The following PXDC1 variants were observed in gnomAD, a reference collection of about 807,000 sequenced individuals.
The protein encoded by PXDC1 is PX domain-containing protein 1.
PXDC1 carries 13 observed loss-of-function variants against 24.4 expected under a neutral mutation model. That is an observed-to-expected ratio of 0.53 (90% CI 0.35 to 0.85). The LOEUF (loss-of-function observed/expected upper bound fraction) is 0.85, where lower values mean the gene tolerates loss of function less well. PXDC1 is among the 40% of genes least tolerant of loss of function. The pLI, the probability that PXDC1 is intolerant of heterozygous loss-of-function variation, is 0.01. For synonymous variants in PXDC1, 162 were observed against 124.9 expected, an observed-to-expected ratio of 1.30 and a Z score of -1.98; for missense variants, 344 against 309.3, an observed-to-expected ratio of 1.11 and a Z score of -0.84.
chr6:3,750,450 C>T lies in PXDC1; in HGVS notation c.256+826G>A, dbSNP rs545069160. Among the ~76,000 whole-genome samples the T allele has an allele frequency of 5.9e-5, 9 of 152,216 alleles. No homozygotes were observed. The South Asian group carries it at 1.9e-3, about 32-fold the overall frequency. Reference sequence around the variant, plus strand: ...GGCCCTCCCAGGCGGCCCCTCTCCTCGGCCTGCCCCCTCCACCCCGCAATT... The same window carrying T: ...GGCCCTCCCAGGCGGCCCCTCTCCTTGGCCTGCCCCCTCCACCCCGCAATT... On this transcript the variant is annotated intron_variant, in intron 1 of 4. Transcript: ENST00000380283.
rs1364076258 is a variant in PXDC1, at chr6:3,724,099, C to A, written c.579-363G>T. ...TCAGGGAAGAGGCGCCTGCCTCGTGCTGGGCCCTGGGGACAGCTGAGAGAG... is the reference window on the plus strand; with the variant it reads ...TCAGGGAAGAGGCGCCTGCCTCGTGATGGGCCCTGGGGACAGCTGAGAGAG... On this transcript the variant is annotated intron_variant, in intron 4 of 4. Transcript: ENST00000380283. The surrounding 1 kb of genome is among the most constrained non-coding windows in gnomAD (Gnocchi z 4.5). 6.6e-6 allele frequency among the ~76,000 whole-genome samples: 1 copy of A among 152,142 alleles called. No individual in the cohort carries two copies. The highest frequency in any genetic ancestry group is 1.5e-5 in the Non-Finnish European group (1 of 68,014).
intron 3 of PXDC1, among the ~76,000 whole-genome samples, chr6:3,732,390 G>A (rs988831584): frequency 5.3e-5 from 8 of 152,194 alleles, no homozygotes; most frequent in African/African-American, 1.9e-4. Context: ...TGAAACTAAG[G>A]TTGAGATTGG....
chr6:3,724,589 C>A lies in PXDC1; in HGVS notation c.579-853G>T, dbSNP rs1055420879. 2.0e-5 allele frequency among the ~76,000 whole-genome samples: 3 copies of A among 152,200 alleles called. No individual in the cohort carries two copies. Among genetic ancestry groups the A allele is most frequent in the African/African-American group, 7.2e-5 (3 of 41,446 alleles). Reference sequence around the variant, plus strand: ...CTCCACCTATGAATCAGCCCAAACCCAGCAGGCCGCGTGGGAGTGTGGACA... The same window carrying A: ...CTCCACCTATGAATCAGCCCAAACCAAGCAGGCCGCGTGGGAGTGTGGACA... On this transcript the variant is annotated intron_variant, in intron 4 of 4. Coordinates refer to ENST00000380283, the MANE Select transcript of PXDC1 (RefSeq NM_183373.4). This position sits in a 1 kb window ranked among gnomAD's most constrained non-coding sequence, Gnocchi z 4.5.
chr6:3,734,619 G>A (rs1324699188), intron 3 of PXDC1, among the ~76,000 whole-genome samples: 2 of 152,134 alleles, frequency 1.3e-5, no homozygotes, highest in Non-Finnish European at 2.9e-5. Flanking sequence ...AAAGGTTCTG[G>A]AGACCCAGTG....
In PXDC1 at chr6:3,737,023, G is replaced by T; in HGVS notation, c.466+56C>A. The T allele has an allele frequency of 9.7e-7, 1 of 1,033,446 alleles. No homozygotes were observed. The highest frequency in any genetic ancestry group is 1.5e-6 in the Non-Finnish European group (1 of 652,716). 64.0% of individuals were successfully genotyped at this position (1,033,446 alleles called of 1,614,324 possible). A position where few individuals can be genotyped will look rare whatever the true frequency, so the allele number is the denominator to read the frequency against. ...GACAGCCAACTGTGAGGGTTTCTGTGACATCTCAGCCTCAACAGCAGTCCC... is the reference window on the plus strand; with the variant it reads ...GACAGCCAACTGTGAGGGTTTCTGTTACATCTCAGCCTCAACAGCAGTCCC... On this transcript the variant is annotated intron_variant, in intron 3 of 4. Coordinates refer to ENST00000380283, the MANE Select transcript of PXDC1 (RefSeq NM_183373.4). This position sits in a 1 kb window ranked among gnomAD's most constrained non-coding sequence, Gnocchi z 5.5.
chr6:3,723,238 G>A lies in PXDC1; in HGVS notation c.*381C>T, dbSNP rs1759979380. On this transcript the variant is annotated 3_prime_UTR_variant, in exon 5 of 5. Transcript: ENST00000380283. The stretch of plus-strand genomic sequence containing the variant: ...GGAATGGTGGGGAGTCAGGGTGGCT[G>A]GGGGGCACTAGGCCACTTCACCAAG... 1 of 200,082 alleles carries A rather than the reference G, an allele frequency of 5.0e-6. No homozygotes were observed. The highest frequency in any genetic ancestry group is 2.3e-5 in the African/African-American group (1 of 43,502). The allele number at this position is 200,082 out of a possible 1,614,324, so 12.4% of individuals were successfully genotyped here. A position where few individuals can be genotyped will look rare whatever the true frequency, so the allele number is the denominator to read the frequency against.
chr6:3,746,134 G>A (rs930696613), intron 1 of PXDC1, among the ~76,000 whole-genome samples: 1 of 152,218 alleles, frequency 6.6e-6, no homozygotes, highest in Non-Finnish European at 1.5e-5. Context: ...CTGCCACCGT[G>A]AAAGGCAGTA....
Position 3,737,787 on chromosome 6 carries a change from C to A in PXDC1, c.348+270G>T. The A allele has an allele frequency of 1.7e-6, 1 of 578,690 alleles. No individual in the cohort carries two copies. Among genetic ancestry groups the A allele is most frequent in the Non-Finnish European group, 2.2e-6 (1 of 458,536 alleles). The allele number at this position is 578,690 out of a possible 1,614,324, so 35.8% of individuals were successfully genotyped here. On this transcript the variant is annotated intron_variant, in intron 2 of 4. Coordinates refer to ENST00000380283, the MANE Select transcript of PXDC1 (RefSeq NM_183373.4). The surrounding 1 kb of genome is among the most constrained non-coding windows in gnomAD (Gnocchi z 5.5). ...CAGCCAGAGGGGATCCGCACCCTTCCACCCATGCCTCCTTGCATCCCTCAT... is the reference window on the plus strand; with the variant it reads ...CAGCCAGAGGGGATCCGCACCCTTCAACCCATGCCTCCTTGCATCCCTCAT...
chr6:3,740,318 T>C (rs1760425050), intron 1 of PXDC1, among the ~76,000 whole-genome samples: 1 of 152,242 alleles, frequency 6.6e-6, no homozygotes, highest in Non-Finnish European at 1.5e-5. Context: ...TATTCTGCGG[T>C]ACACTGATCT....
intron 3 of PXDC1, among the ~76,000 whole-genome samples, chr6:3,730,388 C>CT (rs1323331003): frequency 1.3e-5 from 2 of 152,182 alleles, no homozygotes; most frequent in African/African-American, 4.8e-5. Context: ...GTGTGCACAG[C>CT]TTTTATACGC....
chr6:3,726,538 C>G (rs1258189965), intron 4 of PXDC1, among the ~76,000 whole-genome samples: 1 of 152,262 alleles, frequency 6.6e-6, no homozygotes, highest in African/African-American at 2.4e-5. Flanking sequence ...TCCCACAAGC[C>G]TGACAGGGAC....
At chr6:3,742,416 A>G (rs1457005173) in intron 1 of PXDC1, among the ~76,000 whole-genome samples, 1 of 152,212 alleles carries the variant, frequency 6.6e-6, no homozygotes, top group African/African-American at 2.4e-5. Context: ...TGGCATGACA[A>G]TTCTGGGGGT....
chr6:3,726,825 C>A (rs1390695382), intron 4 of PXDC1, among the ~76,000 whole-genome samples: 1 of 152,250 alleles, frequency 6.6e-6, no homozygotes. Context: ...GGATGTTTTA[C>A]ACTCACCATC....
intron 1 of PXDC1, 77 bp downstream of exon 1, chr6:3,751,199 A>C: frequency 8.8e-7 from 1 of 1,136,416 alleles, no homozygotes; most frequent in Non-Finnish European, 1.2e-6. Flanking sequence ...ATCTCGGTTG[A>C]AGTCTCTTCC....
At chr6:3,751,201 GTC>G (rs1760708187) in intron 1 of PXDC1, 73 bp downstream of exon 1, 1 of 1,168,976 alleles carries the variant, frequency 8.6e-7, no homozygotes, top group South Asian at 1.7e-5. Context: ...CTCGGTTGAA[GTC>G]TCTTCCCCGC....
intron 1 of PXDC1, among the ~76,000 whole-genome samples, chr6:3,744,874 A>G (rs1469935722): frequency 6.6e-6 from 1 of 152,078 alleles, no homozygotes; most frequent in Admixed American, 6.6e-5. Context: ...TAATTTTTCT[A>G]TCTTTAGTAG....
rs1473896903 is a variant in PXDC1 at position 3,724,641 on chromosome 6, G to C, written c.579-905C>G. On this transcript the variant is annotated intron_variant, in intron 4 of 4. Transcript: ENST00000380283. This position sits in a 1 kb window ranked among gnomAD's most constrained non-coding sequence, Gnocchi z 4.5. ...AGGCAAGCAGCTGCCCCGCCCTCCTGGGAGCCACCTCGGGGCTGCCTCCTG... is the reference window on the plus strand; with the variant it reads ...AGGCAAGCAGCTGCCCCGCCCTCCTCGGAGCCACCTCGGGGCTGCCTCCTG... Among the ~76,000 whole-genome samples the C allele has an allele frequency of 6.6e-6, 1 of 152,132 alleles. No homozygotes were observed. The highest frequency in any genetic ancestry group is 1.5e-5 in the Non-Finnish European group (1 of 68,014).
At chr6:3,736,229 C>T (rs1238584105) in intron 3 of PXDC1, among the ~76,000 whole-genome samples, 2 of 152,176 alleles carry the variant, frequency 1.3e-5, no homozygotes, top group African/African-American at 2.4e-5. Flanking sequence ...TCTGAGTCCT[C>T]CATCCCTCCT....
intron 1 of PXDC1, 29 bp downstream of exon 1, chr6:3,751,247 G>A: frequency 1.4e-6 from 2 of 1,429,266 alleles, no homozygotes; most frequent in Non-Finnish European, 1.8e-6. Flanking sequence ...CCTCGGCCCC[G>A]CGCCCCTCCC....
Sources: allele counts gnomAD v4.1 joint callset (sites outside exome capture counted in the v4.1 genomes callset), GRCh38; gene constraint gnomAD v4.1.1; non-coding constraint Gnocchi (gnomAD v3.1); transcripts MANE v1.5; gene names NCBI Gene and HGNC (gene_info 2026-07-23, HGNC 2026-07-21).